Variants in HPCAL1 observed in about 807,000 individuals in gnomAD.
HPCAL1 encodes the protein hippocalcin-like protein 1.
In HPCAL1, 8 loss-of-function variants were observed where a neutral mutation model predicts 17.1. The observed-to-expected ratio is 0.47, with a 90% CI of 0.27 to 0.84. HPCAL1 has a LOEUF of 0.84. HPCAL1 is among the 40% of genes least tolerant of loss of function. The pLI is 0.13. For synonymous variants in HPCAL1, 112 were observed against 111.4 expected, an observed-to-expected ratio of 1.01 and a Z score of -0.03; for missense variants, 165 against 271.1, an observed-to-expected ratio of 0.61 and a Z score of 2.75.
chr2:10,345,173 C>G (rs1181043084), intron 1 of HPCAL1, among the ~76,000 whole-genome samples: 3 of 151,936 alleles, frequency 2.0e-5, no homozygotes, highest in African/African-American at 4.8e-5. Context: ...GTTTCAATCT[C>G]TCTATCTCTG....
intron 1 of HPCAL1, among the ~76,000 whole-genome samples, chr2:10,382,948 G>A (rs1456414994): frequency 6.6e-6 from 1 of 152,230 alleles, no homozygotes; most frequent in Admixed American, 6.5e-5. Context: ...GGAGGGGAGT[G>A]GCGGCTCGCT....
Position 10,309,697 on chromosome 2 carries a change from G to A in HPCAL1, c.-111+6520G>A, listed in dbSNP as rs148365721. On this transcript the variant is annotated intron_variant, in intron 1 of 4. Coordinates refer to ENST00000307845, the MANE Select transcript of HPCAL1 (RefSeq NM_002149.4). The stretch of plus-strand genomic sequence containing the variant: ...TGGTAAATAGAAGGGGCTGGGGGAG[G>A]GCGTTGAATGCAGTGGTGCTGTGGC... 4.4e-3 allele frequency among the ~76,000 whole-genome samples: 675 copies of A among 152,276 alleles called. 1 individual carries two copies. The highest frequency in any genetic ancestry group is 7.3e-3 in the Admixed American group (112 of 15,296).
intron 1 of HPCAL1, among the ~76,000 whole-genome samples, chr2:10,327,686 G>C (rs1351715278): frequency 6.6e-6 from 1 of 152,030 alleles, no homozygotes; most frequent in Non-Finnish European, 1.5e-5. Flanking sequence ...ACTAGGTTGG[G>C]AACCAATTTT....
intron 2 of HPCAL1, chr2:10,408,701 C>T (rs1363222136): frequency 6.6e-6 from 1 of 152,204 alleles, no homozygotes; most frequent in Non-Finnish European, 1.5e-5. Context: ...GGCTAGCCCT[C>T]CCTGCTGAAA....
chr2:10,399,276 A>AT, intron 2 of HPCAL1, among the ~76,000 whole-genome samples: 1 of 135,568 alleles, frequency 7.4e-6, no homozygotes, highest in African/African-American at 2.7e-5. Context: ...CACCACCACC[A>AT]CCATCACCAC....
rs541597547 is a variant in HPCAL1, at chr2:10,354,612, C to T, written c.-110-42223C>T. Among the ~76,000 whole-genome samples, 9 of 152,348 alleles carry T rather than the reference C, an allele frequency of 5.9e-5. No homozygotes were observed. The highest frequency in any genetic ancestry group is 3.4e-3 in the Middle Eastern group (1 of 294). ...GGTGTCGGGACTCAAATTCCGGGCC[C>T]TTGGCTGTGCTTCTCACATTCTTTC... On this transcript the variant is annotated intron_variant, in intron 1 of 4. Coordinates refer to ENST00000307845, the MANE Select transcript of HPCAL1 (RefSeq NM_002149.4). The surrounding 1 kb of genome is among the most constrained non-coding windows in gnomAD (Gnocchi z 5.1).
chr2:10,377,957 C>T lies in HPCAL1; in HGVS notation c.-110-18878C>T, dbSNP rs1407557080. On this transcript the variant is annotated intron_variant, in intron 1 of 4. Coordinates refer to ENST00000307845, the MANE Select transcript of HPCAL1 (RefSeq NM_002149.4). The surrounding 1 kb of genome is among the most constrained non-coding windows in gnomAD (Gnocchi z 5.9). ...ATGCTGGTTGAGGGCACGGGTGAGG[C>T]GGGGAGGCGTTTCGACTTTGGACTG... Among the ~76,000 whole-genome samples the T allele has an allele frequency of 3.3e-4, 50 of 152,104 alleles. No homozygotes were observed. The highest frequency in any genetic ancestry group is 2.6e-3 in the Admixed American group (39 of 15,282).
chr2:10,407,082 C>T (rs1463640285), intron 2 of HPCAL1, among the ~76,000 whole-genome samples: 10 of 152,124 alleles, frequency 6.6e-5, no homozygotes, highest in Admixed American at 6.5e-4. Flanking sequence ...GGAAGTCCCC[C>T]ATCCTGTCCC....
chr2:10,316,567 G>A (rs748121454), intron 1 of HPCAL1, among the ~76,000 whole-genome samples: 8 of 152,118 alleles, frequency 5.3e-5, no homozygotes, highest in Non-Finnish European at 8.8e-5. Context: ...CCTCCCCATC[G>A]TTTTTCAGAG....
At chr2:10,409,574 C>T (rs1670198357) in intron 2 of HPCAL1, among the ~76,000 whole-genome samples, 2 of 152,232 alleles carry the variant, frequency 1.3e-5, no homozygotes, top group Admixed American at 6.5e-5. Flanking sequence ...GTGGGTCCAG[C>T]GGTCACCGGG....
chr2:10,400,198 C>G (rs114940555), intron 2 of HPCAL1, among the ~76,000 whole-genome samples: 1,552 of 152,276 alleles, frequency 0.01, 22 homozygotes, highest in African/African-American at 0.032. Flanking sequence ...AGGGGGCGAG[C>G]AGGCGGCTCA....
intron 1 of HPCAL1, among the ~76,000 whole-genome samples, chr2:10,386,532 G>T (rs2125551431): frequency 6.6e-6 from 1 of 152,272 alleles, no homozygotes; most frequent in East Asian, 1.9e-4. Flanking sequence ...AGTGGCCCAG[G>T]GCCCTGGGAG....
At chr2:10,388,116 C>T (rs1281044949) in intron 1 of HPCAL1, among the ~76,000 whole-genome samples, 3 of 152,124 alleles carry the variant, frequency 2.0e-5, no homozygotes, top group Admixed American at 2.0e-4. Flanking sequence ...GGCTCGTTGT[C>T]CGGCCAAGAC....
rs990888910 is a variant in HPCAL1 at position 10,376,431 on chromosome 2, CA to C, written c.-110-20396del. On this transcript the variant is annotated intron_variant, in intron 1 of 4. Coordinates refer to ENST00000307845, the MANE Select transcript of HPCAL1 (RefSeq NM_002149.4). ...GTATACCTTAATAAACTTGACTTTA[CA>C]AAAAAAATCCCTCTTTTTTTTTTTT... Among the ~76,000 whole-genome samples the C allele has an allele frequency of 2.4e-5, 3 of 125,644 alleles. No individual in the cohort carries two copies. The Admixed American group carries it at 2.5e-4, about 11-fold the overall frequency. The allele number at this position is 125,644 out of a possible 152,430, so 82.4% of individuals were successfully genotyped here. A position where few individuals can be genotyped will look rare whatever the true frequency, so the allele number is the denominator to read the frequency against.
rs969086523 is a variant in HPCAL1, at chr2:10,304,233, G to C, written c.-111+1056G>C. ...AAGCGTGGGGGTCCCTCTCCTGGCC[G>C]GGAGGCAGCGACTGCGGAGTTGAGA... On this transcript the variant is annotated intron_variant, in intron 1 of 4. Transcript: ENST00000307845. This position sits in a 1 kb window ranked among gnomAD's most constrained non-coding sequence, Gnocchi z 4.1. 6.6e-5 allele frequency among the ~76,000 whole-genome samples: 10 copies of C among 152,332 alleles called. No individual in the cohort carries two copies. The highest frequency in any genetic ancestry group is 2.4e-4 in the African/African-American group (10 of 41,590).
chr2:10,399,280 T>TCAC, intron 2 of HPCAL1, among the ~76,000 whole-genome samples: 1 of 7,400 alleles, frequency 1.4e-4, no homozygotes, highest in African/African-American at 5.9e-4. Flanking sequence ...ACCACCACCA[T>TCAC]CACCACCACC....
chr2:10,378,120 C>A (rs188180522), intron 1 of HPCAL1, among the ~76,000 whole-genome samples: 24 of 150,992 alleles, frequency 1.6e-4, no homozygotes, highest in African/African-American at 4.9e-4. Flanking sequence ...TAGGACATGG[C>A]GGGACCCTAA....
intron 1 of HPCAL1, among the ~76,000 whole-genome samples, chr2:10,345,201 G>C (rs1350310500): frequency 6.6e-6 from 1 of 151,752 alleles, no homozygotes; most frequent in South Asian, 2.1e-4. Flanking sequence ...CTGTCTGTCT[G>C]TCTCTTTCTT....
chr2:10,378,547 G>A (rs1667736817), intron 1 of HPCAL1, among the ~76,000 whole-genome samples: 1 of 152,098 alleles, frequency 6.6e-6, no homozygotes. Flanking sequence ...GTCCTCCTGT[G>A]GAATGAGAGC....
Sources: allele counts gnomAD v4.1 joint callset (sites outside exome capture counted in the v4.1 genomes callset), GRCh38; gene constraint gnomAD v4.1.1; non-coding constraint Gnocchi (gnomAD v3.1); transcripts MANE v1.5; gene names NCBI Gene and HGNC (gene_info 2026-07-23, HGNC 2026-07-21).